Variants in GPR4 observed in about 807,000 individuals in gnomAD.
The protein encoded by GPR4 is G-prodeshotein coupled receptor 4.
In GPR4, 11 loss-of-function variants were observed where a neutral mutation model predicts 17.8. The observed-to-expected ratio is 0.62, with a 90% CI of 0.39 to 1.02. GPR4 has a LOEUF of 1.02. GPR4 is among the 50% of genes least tolerant of loss of function. GPR4 has a pLI of 0.00. For missense variants in GPR4, 364 were observed against 495.4 expected, an observed-to-expected ratio of 0.73 and a Z score of 2.52; for synonymous variants, 219 against 222.8, an observed-to-expected ratio of 0.98 and a Z score of 0.15.
rs1969971316 is a variant in GPR4, at chr19:45,589,928, T to C, written c.*850A>G. On this transcript the variant is annotated 3_prime_UTR_variant, in exon 2 of 2. Transcript: ENST00000323040. ...AATGAATAAATACCCTTTCTTCTTG[T>C]CCCACACCTTCTTCCCAAACCTTCT... is the stretch of plus-strand genomic sequence containing the variant. 6.6e-6 allele frequency: 1 copy of C among 152,340 alleles called. No individual in the cohort carries two copies. Among genetic ancestry groups the C allele is most frequent in the African/African-American group, 2.4e-5 (1 of 41,460 alleles). The allele number at this position is 152,340 out of a possible 1,614,324, so 9.4% of individuals were successfully genotyped here.
At chr19:45,597,472 C>T (rs1250774975) in intron 1 of GPR4, among the ~76,000 whole-genome samples, 1 of 152,164 alleles carries the variant, frequency 6.6e-6, no homozygotes, top group Non-Finnish European at 1.5e-5. Flanking sequence ...TCACATCACC[C>T]TGTTTTGTTT....
chr19:45,597,902 C>T (rs73570943), intron 1 of GPR4, among the ~76,000 whole-genome samples: 7 of 152,214 alleles, frequency 4.6e-5, no homozygotes, highest in South Asian at 4.2e-4. Flanking sequence ...GGGTCCTCAG[C>T]GGCAGAGCTG....
At chr19:45,601,315 G>C (rs921012513) in intron 1 of GPR4, among the ~76,000 whole-genome samples, 1 of 152,226 alleles carries the variant, frequency 6.6e-6, no homozygotes, top group Non-Finnish European at 1.5e-5. Context: ...TGAGGCGGAA[G>C]CAGGAAAGAG....
intron 1 of GPR4, among the ~76,000 whole-genome samples, chr19:45,601,751 G>A (rs1416866678): frequency 1.3e-5 from 2 of 152,052 alleles, no homozygotes; most frequent in East Asian, 3.9e-4. Context: ...AACAGACGGG[G>A]GTGAGGCAGA....
chr19:45,601,125 G>A (rs1970106920), intron 1 of GPR4, among the ~76,000 whole-genome samples: 2 of 152,088 alleles, frequency 1.3e-5, no homozygotes, highest in Admixed American at 1.3e-4. Context: ...GTGGGCTCTG[G>A]AGGGGGAACT....
At position 45,590,676 on chromosome 19, in the gene GPR4, A is replaced by G. The variant is rs1006726644; in HGVS notation, c.*102T>C. On this transcript the variant is annotated 3_prime_UTR_variant, in exon 2 of 2. Coordinates refer to ENST00000323040, the MANE Select transcript of GPR4 (RefSeq NM_005282.3). ...CCTAAGTTCTTGTATTCTTATGAAT[A>G]TTAACACAGCCCTTTTTCCATACAA... 1.4e-5 allele frequency: 19 copies of G among 1,397,436 alleles called. No individual in the cohort carries two copies. The highest frequency in any genetic ancestry group is 1.7e-5 in the Non-Finnish European group (17 of 1,030,082). 86.6% of individuals were successfully genotyped at this position (1,397,436 alleles called of 1,614,324 possible). A position where few individuals can be genotyped will look rare whatever the true frequency, so the allele number is the denominator to read the frequency against.
rs1363606469 is a variant in GPR4, at chr19:45,591,605, C to T, written c.262G>A (p.Gly88Arg). Residue 88 changes from glycine (G) to arginine (R), a missense_variant, in exon 2 of 2, where the codon GGG becomes AGG. Transcript: ENST00000323040. The surrounding 1 kb of genome is among the most constrained non-coding windows in gnomAD (Gnocchi z 7.6). The part of the protein sequence containing the change: ...LHHDNWIHGP[G>R]SCKLFGFIFY... ...ATGAACCCAAAGAGCTTGCAGGACC[C>T]GGGGCCGTGGATCCAGTTGTCGTGG... The T allele has an allele frequency of 5.6e-6, 9 of 1,613,972 alleles. No individual in the cohort carries two copies. Among genetic ancestry groups the T allele is most frequent in the Admixed American group, 1.7e-5 (1 of 59,998 alleles).
Position 45,590,531 on chromosome 19 carries a change from C to A in GPR4, c.*247G>T, listed in dbSNP as rs1969978293. The stretch of plus-strand genomic sequence containing the variant: ...CTCCAGCCTGGGCAACACAGTGAGA[C>A]CCTGTCTCCAAAAAAATATATTTAC... On this transcript the variant is annotated 3_prime_UTR_variant, in exon 2 of 2. Transcript: ENST00000323040. 2 of 472,102 alleles carry A rather than the reference C, an allele frequency of 4.2e-6. No individual in the cohort carries two copies. Among genetic ancestry groups the A allele is most frequent in the Non-Finnish European group, 7.5e-6 (2 of 267,854 alleles). The allele number at this position is 472,102 out of a possible 1,614,324, so 29.2% of individuals were successfully genotyped here. A position where few individuals can be genotyped will look rare whatever the true frequency, so the allele number is the denominator to read the frequency against.
chr19:45,601,409 G>A (rs1970110545), intron 1 of GPR4, among the ~76,000 whole-genome samples: 1 of 152,104 alleles, frequency 6.6e-6, no homozygotes. Context: ...GAAATTGGCG[G>A]GCGGGCTGGG....
At chr19:45,598,406 G>A (rs764534919) in intron 1 of GPR4, among the ~76,000 whole-genome samples, 1 of 151,786 alleles carries the variant, frequency 6.6e-6, no homozygotes, top group Non-Finnish European at 1.5e-5. Flanking sequence ...GACCTAACTC[G>A]GGTACCCGGG....
chr19:45,600,728 G>GT (rs1399657846), intron 1 of GPR4, among the ~76,000 whole-genome samples: 1 of 152,190 alleles, frequency 6.6e-6, no homozygotes, highest in Non-Finnish European at 1.5e-5. Context: ...GGCAGGGGGA[G>GT]TTGGCCTAGG....
rs143971320 is a variant in GPR4 at position 45,597,331 on chromosome 19, A to G, written c.-831-4634T>C. Among the ~76,000 whole-genome samples, 1,004 of 152,230 alleles carry G rather than the reference A, an allele frequency of 6.6e-3. 2 individuals are homozygous for G. Among genetic ancestry groups the G allele is most frequent in the South Asian group, 0.013 (62 of 4,824 alleles). On this transcript the variant is annotated intron_variant, in intron 1 of 1. Transcript: ENST00000323040. ...TGATCCACCCACCTTGGCCTCTCAA[A>G]GTGCTGGGATTACAGATGTGAGCCA...
chr19:45,595,017 C>T (rs1970043076), intron 1 of GPR4, among the ~76,000 whole-genome samples: 1 of 151,376 alleles, frequency 6.6e-6, no homozygotes, highest in Non-Finnish European at 1.5e-5. Context: ...TGGCTCACGC[C>T]TGTAATCCCA....
intron 1 of GPR4, among the ~76,000 whole-genome samples, chr19:45,599,382 T>C (rs1384901156): frequency 6.6e-6 from 1 of 151,398 alleles, no homozygotes; most frequent in East Asian, 1.9e-4. Context: ...CACCAGGCTA[T>C]CTCACCTCCC....
intron 1 of GPR4, among the ~76,000 whole-genome samples, chr19:45,593,115 T>G (rs1970015094): frequency 6.6e-6 from 1 of 150,980 alleles, no homozygotes; most frequent in African/African-American, 2.4e-5. Flanking sequence ...GGAGGATCAC[T>G]TGATCCCAGG....
chr19:45,600,230 G>A (rs535133114), intron 1 of GPR4, among the ~76,000 whole-genome samples: 236 of 152,266 alleles, frequency 1.5e-3, no homozygotes, highest in Non-Finnish European at 2.6e-3. Flanking sequence ...CCTTTCGCTA[G>A]TGGGCCTAGC....
chr19:45,595,785 CAG>C, intron 1 of GPR4, among the ~76,000 whole-genome samples: 1 of 151,080 alleles, frequency 6.6e-6, no homozygotes, highest in Middle Eastern at 3.4e-3. Context: ...CAATCTAAAA[CAG>C]TGAAAAGGGT....
At chr19:45,600,369 C>T (rs1292224400) in intron 1 of GPR4, among the ~76,000 whole-genome samples, 3 of 152,208 alleles carry the variant, frequency 2.0e-5, no homozygotes, top group East Asian at 1.9e-4. Context: ...GAGTTAATCC[C>T]GGTTCCCCTC....
rs576140637 is a variant in GPR4 at position 45,592,281 on chromosome 19, T to C, written c.-415A>G. On this transcript the variant is annotated 5_prime_UTR_variant, in exon 2 of 2. Coordinates refer to ENST00000323040, the MANE Select transcript of GPR4 (RefSeq NM_005282.3). ...TTGCAGGGCAATTAGGAAGTATGTG[T>C]AGCCATATTGAAGTAATAATGGCGG... is the stretch of plus-strand genomic sequence containing the variant. The C allele has an allele frequency of 5.5e-6, 1 of 182,650 alleles. No individual in the cohort carries two copies. Among genetic ancestry groups the C allele is most frequent in the East Asian group, 1.7e-4 (1 of 5,818 alleles). The allele number at this position is 182,650 out of a possible 1,614,324, so 11.3% of individuals were successfully genotyped here.
Sources: gnomAD v4.1 joint callset for allele counts (sites outside exome capture counted in the v4.1 genomes callset) on GRCh38, gnomAD v4.1.1 for gene constraint, Gnocchi (gnomAD v3.1) non-coding constraint, MANE v1.5 for transcripts, NCBI Gene and HGNC (gene_info 2026-07-23, HGNC 2026-07-21) for gene names.